The following PAG1 variants were observed in gnomAD, a reference collection of about 807,000 sequenced individuals.
The protein encoded by PAG1 is phosphoprotein membrane anchor with glycosphingolipid microdomains 1, also known as phosphoprotein associated with glycosphingolipid-enriched microdomains 1.
In PAG1, 23 loss-of-function variants were observed where a neutral mutation model predicts 31.7. The observed-to-expected ratio is 0.73, with a 90% CI of 0.52 to 1.03. The LOEUF (loss-of-function observed/expected upper bound fraction) is 1.03. Among genes scored for constraint, PAG1 ranks in the 50% least tolerant of loss-of-function variants. PAG1 has a pLI of 0.00. For synonymous variants in PAG1, 214 were observed against 210.3 expected (o/e 1.02, Z -0.15); for missense variants, 473 against 540.7 (o/e 0.87, Z 1.24).
chr8:80,980,173 C>A (rs944012518), intron 8 of PAG1, among the ~76,000 whole-genome samples: 1 of 152,146 alleles, frequency 6.6e-6, no homozygotes, highest in Non-Finnish European at 1.5e-5. Flanking sequence ...TCTCCCCTGC[C>A]CTCTCTATTT....
intron 1 of PAG1, among the ~76,000 whole-genome samples, chr8:81,079,415 A>G (rs966636355): frequency 6.6e-6 from 1 of 152,230 alleles, no homozygotes; most frequent in Admixed American, 6.5e-5. Flanking sequence ...TTAGGAGTTC[A>G]GCATCAAACA....
intron 5 of PAG1, among the ~76,000 whole-genome samples, chr8:80,988,365 A>G (rs753476886): frequency 7.9e-4 from 121 of 152,342 alleles, no homozygotes; most frequent in African/African-American, 2.8e-3. Flanking sequence ...AAGGCTATTG[A>G]TTTCTGAAAC....
At chr8:81,023,594 GGA>G (rs555613066) in intron 3 of PAG1, among the ~76,000 whole-genome samples, 6 of 150,784 alleles carry the variant, frequency 4.0e-5, no homozygotes, top group East Asian at 1.9e-4. Context: ...AACAATGTAA[GGA>G]GAGAGAGAGA....
chr8:81,023,628 GGAGA>G (rs1002223101), intron 3 of PAG1, among the ~76,000 whole-genome samples: 4 of 151,876 alleles, frequency 2.6e-5, no homozygotes, highest in Admixed American at 6.6e-5. Context: ...AGAAAAAAAG[GGAGA>G]GAGAGGGAAA....
At chr8:81,052,056 G>A (rs1169825610) in intron 2 of PAG1, among the ~76,000 whole-genome samples, 1 of 151,698 alleles carries the variant, frequency 6.6e-6, no homozygotes, top group East Asian at 1.9e-4. Flanking sequence ...CGTGAACCCG[G>A]GAGGCGGAGC....
At chr8:81,073,908 G>A (rs533707619) in intron 1 of PAG1, among the ~76,000 whole-genome samples, 1 of 152,020 alleles carries the variant, frequency 6.6e-6, no homozygotes, top group Non-Finnish European at 1.5e-5. Flanking sequence ...ACCTGAAGGT[G>A]GGGGGGAGGC....
intron 7 of PAG1, among the ~76,000 whole-genome samples, chr8:80,984,247 T>C (rs1169578894): frequency 6.6e-6 from 1 of 152,264 alleles, no homozygotes; most frequent in East Asian, 1.9e-4. Flanking sequence ...TATCTAAATT[T>C]AGGAAGTATA....
chr8:81,016,069 C>T (rs559511319), intron 3 of PAG1, among the ~76,000 whole-genome samples: 38 of 152,232 alleles, frequency 2.5e-4, no homozygotes, highest in Admixed American at 3.9e-4. Flanking sequence ...CCCCCAGTAG[C>T]CAGCCAATCC....
chr8:81,061,642 T>G (rs1283629844), intron 2 of PAG1, among the ~76,000 whole-genome samples: 1 of 152,174 alleles, frequency 6.6e-6, no homozygotes, highest in Non-Finnish European at 1.5e-5. Flanking sequence ...CAATGCCAGG[T>G]ACAGCTCCAG....
At chr8:81,035,471 A>C (rs912484477) in intron 2 of PAG1, among the ~76,000 whole-genome samples, 3 of 152,172 alleles carry the variant, frequency 2.0e-5, no homozygotes, top group African/African-American at 7.2e-5. Context: ...TCAGCAAACA[A>C]ACACAGCTGG....
intron 3 of PAG1, among the ~76,000 whole-genome samples, chr8:81,017,974 T>C (rs1389913601): frequency 6.6e-6 from 1 of 152,220 alleles, no homozygotes; most frequent in Non-Finnish European, 1.5e-5. Flanking sequence ...AAATAAACCC[T>C]TTTTATATGT....
At chr8:80,984,236 A>G (rs896927393) in intron 7 of PAG1, among the ~76,000 whole-genome samples, 2 of 152,220 alleles carry the variant, frequency 1.3e-5, no homozygotes, top group Non-Finnish European at 2.9e-5. Flanking sequence ...GCTTTGTTGA[A>G]TATCTAAATT....
chr8:81,077,689 G>A (rs551069036), intron 1 of PAG1, among the ~76,000 whole-genome samples: 1 of 152,278 alleles, frequency 6.6e-6, no homozygotes, highest in African/African-American at 2.4e-5. Context: ...ATGCTGTCTT[G>A]AAGAAGATAT....
intron 2 of PAG1, among the ~76,000 whole-genome samples, chr8:81,060,536 C>T (rs1808900498): frequency 6.6e-6 from 1 of 152,138 alleles, no homozygotes; most frequent in Non-Finnish European, 1.5e-5. Context: ...GAAAGCTATT[C>T]TTTCCAGAAC....
intron 1 of PAG1, among the ~76,000 whole-genome samples, chr8:81,085,848 T>C (rs1282888444): frequency 6.6e-6 from 1 of 152,220 alleles, no homozygotes; most frequent in Non-Finnish European, 1.5e-5. Flanking sequence ...CTGTCAGTAT[T>C]TGAAGTCTTT....
chr8:81,055,396 G>T (rs1234871948), intron 2 of PAG1, among the ~76,000 whole-genome samples: 2 of 151,972 alleles, frequency 1.3e-5, no homozygotes, highest in African/African-American at 4.8e-5. Flanking sequence ...TCATCCTGGG[G>T]TTCATTTTTT....
In PAG1 at chr8:81,073,909, G is replaced by C. The variant is rs1437110840; in HGVS notation, c.-233-3739C>G. 4.6e-5 allele frequency among the ~76,000 whole-genome samples: 7 copies of C among 152,190 alleles called. No individual in the cohort carries two copies. The East Asian group carries it at 7.8e-4, about 17-fold the overall frequency. ...TTAGCTGAGCACAGACCTGAAGGTG[G>C]GGGGGAGGCAGGTCAGAGGGGGCTG... On this transcript the variant is annotated intron_variant, in intron 1 of 8. Coordinates refer to ENST00000220597, the MANE Select transcript of PAG1 (RefSeq NM_018440.4).
At chr8:80,992,770 A>C (rs561890641) in intron 4 of PAG1, among the ~76,000 whole-genome samples, 1 of 152,362 alleles carries the variant, frequency 6.6e-6, no homozygotes, top group East Asian at 1.9e-4. Flanking sequence ...TGCGCATCAC[A>C]CAAGATTTCA....
At position 81,035,115 on chromosome 8, in the gene PAG1, G is replaced by A. The variant is rs944994903; in HGVS notation, c.-174-5026C>T. The stretch of plus-strand genomic sequence containing the variant: ...CAAAGCTATCAGCAAAGAGTAAATA[G>A]GTTGGTGAAGTCAGGAGGGTCGTCC... On this transcript the variant is annotated intron_variant, in intron 2 of 8. Transcript: ENST00000220597. Among the ~76,000 whole-genome samples, 6 of 152,162 alleles carry A rather than the reference G, an allele frequency of 3.9e-5. No homozygotes were observed. In the East Asian group the frequency reaches 1.2e-3, roughly 29 times the overall value.
Sources: allele counts gnomAD v4.1 joint callset (sites outside exome capture counted in the v4.1 genomes callset), GRCh38; gene constraint gnomAD v4.1.1; transcripts MANE v1.5; gene names NCBI Gene and HGNC (gene_info 2026-07-23, HGNC 2026-07-21).